The following ST3GAL1 variants were observed in gnomAD, a reference collection of about 807,000 sequenced individuals.
ST3GAL1 encodes the protein ST3 beta-galactoside alpha-2,3-sialyltransferase 1, also known as CMP-N-acetylneuraminate-beta-galactosamide-alpha-2,3-sialyltransferase 1.
ST3GAL1 carries 16 observed loss-of-function variants against 34.1 expected under a neutral mutation model. That is an observed-to-expected ratio of 0.47 (90% confidence interval 0.32 to 0.71). The LOEUF is 0.71. ST3GAL1 is among the 30% of genes least tolerant of loss of function. ST3GAL1 has a pLI of 0.04. For synonymous variants in ST3GAL1, 191 were observed against 184.7 expected (o/e 1.03, Z -0.28); for missense variants, 353 against 447.4 (o/e 0.79, Z 1.90).
intron 1 of ST3GAL1, among the ~76,000 whole-genome samples, chr8:133,561,108 C>CT (rs765993286): frequency 0.06 from 6,377 of 106,160 alleles, 430 homozygotes; most frequent in African/African-American, 0.16. Flanking sequence ...CCAGAGCCAT[C>CT]TTTTTTTTTT....
chr8:133,521,456 G>A (rs1391886097), intron 2 of ST3GAL1, among the ~76,000 whole-genome samples: 1 of 152,086 alleles, frequency 6.6e-6, no homozygotes, highest in Non-Finnish European at 1.5e-5. Context: ...CTGCCACCGT[G>A]CCCAGCTAAT....
rs1158856558 is a variant in ST3GAL1, at chr8:133,459,237, C to T, written c.*527G>A. On this transcript the variant is annotated 3_prime_UTR_variant, in exon 10 of 10. Coordinates refer to ENST00000522652, the MANE Select transcript of ST3GAL1 (RefSeq NM_173344.3). This position sits in a 1 kb window ranked among gnomAD's most constrained non-coding sequence, Gnocchi z 4.7. ...TCTTTGGGGTAGGAGCCTCTGGTGG[C>T]TCATAAATGAGCTTTGGGAAGATGA... is the stretch of plus-strand genomic sequence containing the variant. 6.6e-6 allele frequency: 1 copy of T among 152,202 alleles called. No homozygotes were observed. The highest frequency in any genetic ancestry group is 6.6e-5 in the Admixed American group (1 of 15,264). The allele number at this position is 152,202 out of a possible 1,614,324, so 9.4% of individuals were successfully genotyped here.
At chr8:133,557,156 T>C (rs1819062218) in intron 1 of ST3GAL1, among the ~76,000 whole-genome samples, 1 of 152,172 alleles carries the variant, frequency 6.6e-6, no homozygotes, top group African/African-American at 2.4e-5. Flanking sequence ...GTATGTGGTA[T>C]TTCCTGGGCA....
intron 2 of ST3GAL1, among the ~76,000 whole-genome samples, chr8:133,506,572 G>A (rs1817344766): frequency 6.6e-6 from 1 of 151,322 alleles, no homozygotes; most frequent in Admixed American, 6.6e-5. Flanking sequence ...ATCACCAGAG[G>A]TCAGGAGTTC....
At position 133,508,557 on chromosome 8, in the gene ST3GAL1, G is replaced by A. The variant is rs534734519; in HGVS notation, c.-428-9368C>T. 6.6e-6 allele frequency among the ~76,000 whole-genome samples: 1 copy of A among 152,272 alleles called. No individual in the cohort carries two copies. The highest frequency in any genetic ancestry group is 1.5e-5 in the Non-Finnish European group (1 of 68,022). ...GAGGAAACTGAGATCCCTGTTTGAG[G>A]CTGATCTCTGCAGCGACTGTAAGGA... On this transcript the variant is annotated intron_variant, in intron 2 of 9. Transcript: ENST00000522652. This position sits in a 1 kb window ranked among gnomAD's most constrained non-coding sequence, Gnocchi z 4.1.
At chr8:133,560,200 A>G (rs1819176764) in intron 1 of ST3GAL1, among the ~76,000 whole-genome samples, 1 of 152,180 alleles carries the variant, frequency 6.6e-6, no homozygotes, top group African/African-American at 2.4e-5. Context: ...TCTACATTGC[A>G]TGTATGAAAA....
intron 2 of ST3GAL1, among the ~76,000 whole-genome samples, chr8:133,519,679 C>A (rs7831920): frequency 6.6e-6 from 1 of 151,904 alleles, no homozygotes; most frequent in Non-Finnish European, 1.5e-5. Flanking sequence ...GGCTCGGGAG[C>A]GCACGCCTGT....
chr8:133,534,017 G>A (rs987031950), intron 2 of ST3GAL1, among the ~76,000 whole-genome samples: 1 of 152,084 alleles, frequency 6.6e-6, no homozygotes, highest in Non-Finnish European at 1.5e-5. Flanking sequence ...CTCCCTGAGT[G>A]ACCTCTCCTC....
chr8:133,481,163 G>A (rs1306288431), intron 3 of ST3GAL1, among the ~76,000 whole-genome samples: 1 of 152,224 alleles, frequency 6.6e-6, no homozygotes, highest in African/African-American at 2.4e-5. Context: ...TTTGTATTGT[G>A]TATGACAAAA....
chr8:133,483,211 A>G (rs60702466), intron 3 of ST3GAL1, among the ~76,000 whole-genome samples: 2,496 of 152,248 alleles, frequency 0.016, 65 homozygotes, highest in African/African-American at 0.057. Flanking sequence ...GTGTGGTGGC[A>G]GGCACCTGTA....
chr8:133,495,819 A>G (rs2130985833), intron 3 of ST3GAL1, among the ~76,000 whole-genome samples: 1 of 152,376 alleles, frequency 6.6e-6, no homozygotes, highest in East Asian at 1.9e-4. Context: ...AGGGGAGCAG[A>G]CACAAAAGCT....
rs534008947 is a variant in ST3GAL1 at position 133,467,255 on chromosome 8, T to C, written c.307-1165A>G. Among the ~76,000 whole-genome samples, 31 of 152,312 alleles carry C rather than the reference T, an allele frequency of 2.0e-4. No individual in the cohort carries two copies. In the South Asian group the frequency reaches 3.5e-3, roughly 17 times the overall value. On this transcript the variant is annotated intron_variant, in intron 5 of 9. Transcript: ENST00000522652. The surrounding 1 kb of genome is among the most constrained non-coding windows in gnomAD (Gnocchi z 4.2). ...AAACCAGGATGAGTTGGTATCCCTA[T>C]TGGCCCCCGGTGGTTTCACTATTGG...
At position 133,555,721 on chromosome 8, in the gene ST3GAL1, C is replaced by T. The variant is rs370410099; in HGVS notation, c.-581-9795G>A. On this transcript the variant is annotated intron_variant, in intron 1 of 9. Coordinates refer to ENST00000522652, the MANE Select transcript of ST3GAL1 (RefSeq NM_173344.3). ...TCTTCCCTCCAATCACAGGAGTCGG[C>T]GGGTGCCTGGCTTGGGCAGTGGATT... Among the ~76,000 whole-genome samples, 152 of 152,272 alleles carry T rather than the reference C, an allele frequency of 1.0e-3. 1 individual carries two copies. Among genetic ancestry groups the T allele is most frequent in the Admixed American group, 3.1e-3 (48 of 15,302 alleles).
At chr8:133,549,320 A>G (rs1016508301) in intron 1 of ST3GAL1, among the ~76,000 whole-genome samples, 7 of 151,158 alleles carry the variant, frequency 4.6e-5, no homozygotes, top group African/African-American at 1.2e-4. Context: ...GAGAATCACT[A>G]GAACCCAGGA....
intron 2 of ST3GAL1, among the ~76,000 whole-genome samples, chr8:133,528,488 T>C (rs1444401419): frequency 6.6e-6 from 1 of 152,208 alleles, no homozygotes; most frequent in Non-Finnish European, 1.5e-5. Context: ...CACTAGTAAT[T>C]AGCAATTAAC....
intron 5 of ST3GAL1, 79 bp downstream of exon 5, chr8:133,475,640 C>G: frequency 7.0e-7 from 1 of 1,431,744 alleles, no homozygotes; most frequent in Non-Finnish European, 9.2e-7. Context: ...TTATCCAGAT[C>G]CCCACTCTCA....
At chr8:133,474,067 A>C (rs1816067468) in intron 5 of ST3GAL1, among the ~76,000 whole-genome samples, 1 of 152,348 alleles carries the variant, frequency 6.6e-6, no homozygotes, top group East Asian at 1.9e-4. Context: ...CTTTGGAAGC[A>C]TAGCCCAGGG....
chr8:133,529,022 C>T (rs1396043613), intron 2 of ST3GAL1, among the ~76,000 whole-genome samples: 4 of 152,234 alleles, frequency 2.6e-5, no homozygotes, highest in Admixed American at 2.6e-4. Context: ...GGCTCTGCAA[C>T]TAACAAGCTA....
At chr8:133,561,220 C>T (rs532454319) in intron 1 of ST3GAL1, among the ~76,000 whole-genome samples, 1 of 151,696 alleles carries the variant, frequency 6.6e-6, no homozygotes, top group South Asian at 2.1e-4. Flanking sequence ...CCCCTCTGGC[C>T]TCTGTTGCTT....
Sources: gnomAD v4.1 joint callset for allele counts (sites outside exome capture counted in the v4.1 genomes callset) on GRCh38, gnomAD v4.1.1 for gene constraint, Gnocchi (gnomAD v3.1) non-coding constraint, MANE v1.5 for transcripts, NCBI Gene and HGNC (gene_info 2026-07-23, HGNC 2026-07-21) for gene names.